Variants in MSI2 observed in about 807,000 individuals in gnomAD.
The protein encoded by MSI2 is musashi RNA binding protein 2.
MSI2 carries 17 observed loss-of-function variants against 45.6 expected under a neutral mutation model. The ratio of observed to expected loss-of-function variants is 0.37; its 90% confidence interval spans 0.26 to 0.56. The LOEUF (loss-of-function observed/expected upper bound fraction) is 0.56, where lower values mean the gene tolerates loss of function less well. MSI2 is among the 20% of genes least tolerant of loss of function. The probability of loss-of-function intolerance (pLI) is 0.77; values close to 1 mark genes in which losing one functional copy is unlikely to be tolerated. For missense variants in MSI2, 293 were observed against 444.2 expected (o/e 0.66, Z 3.06); for synonymous variants, 156 against 158.2 (o/e 0.99, Z 0.11).
intron 6 of MSI2, among the ~76,000 whole-genome samples, chr17:57,419,487 C>A (rs919718598): frequency 1.3e-5 from 2 of 151,794 alleles, no homozygotes; most frequent in Admixed American, 1.3e-4. Flanking sequence ...CTCAGCCTCC[C>A]GAGTAGCTGG....
intron 11 of MSI2, among the ~76,000 whole-genome samples, chr17:57,674,603 ACTCTCT>A (rs761335564): frequency 5.8e-5 from 8 of 138,726 alleles, no homozygotes; most frequent in Non-Finnish European, 1.1e-4. Context: ...TGAAAAAAAA[ACTCTCT>A]CTCTCTCTCT....
intron 6 of MSI2, among the ~76,000 whole-genome samples, chr17:57,472,896 T>C (rs1224906311): frequency 1.3e-5 from 2 of 151,546 alleles, no homozygotes; most frequent in Admixed American, 6.6e-5. Context: ...TTCTTTTCTT[T>C]CTTTTTTTTT....
chr17:57,485,264 G>A (rs778953657), intron 6 of MSI2, among the ~76,000 whole-genome samples: 5 of 152,324 alleles, frequency 3.3e-5, no homozygotes, highest in Non-Finnish European at 5.9e-5. Flanking sequence ...AAGTTTCACA[G>A]CGAGGAACAG....
At chr17:57,341,642 G>A (rs918181054) in intron 5 of MSI2, among the ~76,000 whole-genome samples, 6 of 152,324 alleles carry the variant, frequency 3.9e-5, no homozygotes, top group East Asian at 1.9e-4. Context: ...GTAGCACTAC[G>A]TAAATAGCTT....
intron 5 of MSI2, among the ~76,000 whole-genome samples, chr17:57,394,024 G>A (rs1361923256): frequency 6.6e-6 from 1 of 152,170 alleles, no homozygotes; most frequent in African/African-American, 2.4e-5. Flanking sequence ...GACAGACAAC[G>A]CTGTGTTTAA....
chr17:57,655,545 A>T (rs986408454), intron 11 of MSI2, among the ~76,000 whole-genome samples: 7 of 139,768 alleles, frequency 5.0e-5, no homozygotes, highest in African/African-American at 1.9e-4. Flanking sequence ...TGTACTTTAT[A>T]CTTGCCAGCT....
chr17:57,381,610 C>G (rs1364145583), intron 5 of MSI2, among the ~76,000 whole-genome samples: 1 of 152,180 alleles, frequency 6.6e-6, no homozygotes, highest in Non-Finnish European at 1.5e-5. Context: ...ATAGAACTTT[C>G]TGTGATGGAG....
rs71140002 is a variant in MSI2, at chr17:57,507,225, CTGTGTGTGTG to C, written c.406-22405_406-22396del. Among the ~76,000 whole-genome samples the C allele has an allele frequency of 8.7e-3, 447 of 51,232 alleles. 13 individuals carry two copies. The highest frequency in any genetic ancestry group is 0.013 in the African/African-American group (301 of 23,626). The allele number at this position is 51,232 out of a possible 152,430, so 33.6% of individuals were successfully genotyped here. On this transcript the variant is annotated intron_variant, in intron 6 of 13. Coordinates refer to ENST00000284073, the MANE Select transcript of MSI2 (RefSeq NM_138962.4). Reference sequence around the variant, plus strand: ...CCCATTGGTTTTTGTCTTTGTCTCTCTGTGTGTGTGTGTGTGTGTGTGTGTGTGTGTGTGT... The same window carrying C: ...CCCATTGGTTTTTGTCTTTGTCTCTCTGTGTGTGTGTGTGTGTGTGTGTGT...
At chr17:57,532,695 C>T (rs138080102) in intron 7 of MSI2, among the ~76,000 whole-genome samples, 72 of 152,350 alleles carry the variant, frequency 4.7e-4, no homozygotes, top group Middle Eastern at 6.8e-3. Flanking sequence ...CTTACCTTCA[C>T]CTCCTCGGTT....
intron 5 of MSI2, among the ~76,000 whole-genome samples, chr17:57,309,682 G>A (rs1001952824): frequency 6.6e-6 from 1 of 152,194 alleles, no homozygotes; most frequent in African/African-American, 2.4e-5. Context: ...GAAAGCAGGT[G>A]TTAGTGCCAG....
intron 6 of MSI2, among the ~76,000 whole-genome samples, chr17:57,489,498 T>C (rs567508938): frequency 5.3e-4 from 80 of 152,320 alleles, no homozygotes; most frequent in African/African-American, 1.9e-3. Context: ...AGCTTTGGAA[T>C]TCCAGAGTGG....
chr17:57,577,633 CT>C (rs1176297809), intron 7 of MSI2, among the ~76,000 whole-genome samples: 4 of 152,128 alleles, frequency 2.6e-5, no homozygotes, highest in African/African-American at 9.7e-5. Context: ...GAAGAGCCCC[CT>C]ACTTGCTGAA....
intron 7 of MSI2, among the ~76,000 whole-genome samples, chr17:57,571,118 A>G (rs1327046377): frequency 2.6e-5 from 4 of 152,190 alleles, no homozygotes; most frequent in African/African-American, 9.7e-5. Context: ...ATGCTGTGCC[A>G]AGTTTCATTT....
chr17:57,686,587 CA>C (rs1419701823), downstream of MSI2, among the ~76,000 whole-genome samples: 1 of 152,012 alleles, frequency 6.6e-6, no homozygotes, highest in African/African-American at 2.4e-5. Flanking sequence ...TAGGCAAATA[CA>C]AAGAACAAGG....
At chr17:57,483,448 GC>G (rs2085688927) in intron 6 of MSI2, among the ~76,000 whole-genome samples, 1 of 152,060 alleles carries the variant, frequency 6.6e-6, no homozygotes, top group African/African-American at 2.4e-5. Flanking sequence ...AATGACTGGC[GC>G]CCCCCAAATT....
intron 5 of MSI2, among the ~76,000 whole-genome samples, chr17:57,340,035 G>A (rs776108082): frequency 6.6e-6 from 1 of 152,206 alleles, no homozygotes; most frequent in African/African-American, 2.4e-5. Context: ...CTGGGCTCAA[G>A]TGTGGGTTCC....
chr17:57,631,850 C>A, intron 10 of MSI2: 1 of 1,612,716 alleles, frequency 6.2e-7, no homozygotes, highest in Non-Finnish European at 8.5e-7. Context: ...AGAGGCATAG[C>A]AAAGTGGGGG....
intron 6 of MSI2, among the ~76,000 whole-genome samples, chr17:57,515,552 C>T (rs1157798224): frequency 6.6e-6 from 1 of 152,168 alleles, no homozygotes; most frequent in East Asian, 1.9e-4. Flanking sequence ...TGAAACTCAA[C>T]AGTACGCACT....
intron 5 of MSI2, among the ~76,000 whole-genome samples, chr17:57,339,524 C>T (rs1914955649): frequency 6.6e-6 from 1 of 152,134 alleles, no homozygotes; most frequent in South Asian, 2.1e-4. Flanking sequence ...CACGGACTTG[C>T]CCTGCTGTCG....
Sources: gnomAD v4.1 joint callset for allele counts (sites outside exome capture counted in the v4.1 genomes callset) on GRCh38, gnomAD v4.1.1 for gene constraint, MANE v1.5 for transcripts, NCBI Gene and HGNC (gene_info 2026-07-23, HGNC 2026-07-21) for gene names.